The following AFAP1 variants were observed in gnomAD, a reference collection of about 807,000 sequenced individuals.
AFAP1 encodes the protein actin filament-associated protein 1.
AFAP1 carries 75 observed loss-of-function variants against 93.9 expected under a neutral mutation model. The observed-to-expected ratio is 0.80, with a 90% CI of 0.66 to 0.97. AFAP1 has a LOEUF of 0.97. Among genes scored for constraint, AFAP1 ranks in the 50% least tolerant of loss-of-function variants. AFAP1 has a pLI of 0.00. For missense variants in AFAP1, 1,201 were observed against 1,050.8 expected (o/e 1.14, Z -1.98); for synonymous variants, 517 against 430.7 (o/e 1.20, Z -2.48).
intron 1 of AFAP1, among the ~76,000 whole-genome samples, chr4:7,904,229 T>C (rs1393321575): frequency 6.6e-6 from 1 of 152,070 alleles, no homozygotes; most frequent in African/African-American, 2.4e-5. Flanking sequence ...ACTGAAGCTG[T>C]CCAGCAGAGT....
In AFAP1 at chr4:7,761,658, C is replaced by G. The variant is rs543637698; in HGVS notation, c.*2107G>C. 6.6e-6 allele frequency: 1 copy of G among 152,396 alleles called. No individual in the cohort carries two copies. Among genetic ancestry groups the G allele is most frequent in the African/African-American group, 2.4e-5 (1 of 41,596 alleles). 9.4% of individuals were successfully genotyped at this position (152,396 alleles called of 1,614,324 possible). A position where few individuals can be genotyped will look rare whatever the true frequency, so the allele number is the denominator to read the frequency against. ...AGTTCTCTTTGGCAAAGCAGGCTGC[C>G]AATCAGAGTGGCCCAAGAGTGTCAA... On this transcript the variant is annotated 3_prime_UTR_variant, in exon 18 of 18. Transcript: ENST00000420658.
chr4:7,774,473 G>T, intron 15 of AFAP1: 1 of 457,914 alleles, frequency 2.2e-6, no homozygotes, highest in Admixed American at 3.9e-5. Context: ...GCCGGAACAG[G>T]TCCCCCAGCA....
intron 1 of AFAP1, among the ~76,000 whole-genome samples, chr4:7,881,717 A>C (rs1214180144): frequency 1.3e-5 from 2 of 151,854 alleles, no homozygotes; most frequent in African/African-American, 4.8e-5. Flanking sequence ...CGGGTGGTGG[A>C]TTGCAGTGTG....
chr4:7,927,894 T>C (rs1431153240), intron 1 of AFAP1, among the ~76,000 whole-genome samples: 21 of 152,192 alleles, frequency 1.4e-4, no homozygotes, highest in Admixed American at 1.4e-3. Context: ...CAATGTAATT[T>C]TGGCTCAAAA....
chr4:7,854,194 T>A (rs1310544418), intron 4 of AFAP1, among the ~76,000 whole-genome samples: 1 of 152,224 alleles, frequency 6.6e-6, no homozygotes, highest in Non-Finnish European at 1.5e-5. Flanking sequence ...TTTAATTTGT[T>A]TTCTAATTAA....
intron 1 of AFAP1, among the ~76,000 whole-genome samples, chr4:7,890,159 A>C (rs771455665): frequency 5.9e-5 from 9 of 152,234 alleles, no homozygotes; most frequent in Non-Finnish European, 1.3e-4. Flanking sequence ...ATAAAGCTAC[A>C]ATTATCAATA....
intron 1 of AFAP1, among the ~76,000 whole-genome samples, chr4:7,879,868 T>G (rs970085789): frequency 1.3e-5 from 2 of 152,052 alleles, no homozygotes; most frequent in Non-Finnish European, 2.9e-5. Context: ...GGTCTCACTA[T>G]TTGCCAGACT....
At chr4:7,844,034 C>T (rs1156699476) in intron 4 of AFAP1, among the ~76,000 whole-genome samples, 6 of 152,170 alleles carry the variant, frequency 3.9e-5, no homozygotes, top group Non-Finnish European at 7.3e-5. Flanking sequence ...TCCATCCACT[C>T]GCCCTCCTGC....
intron 9 of AFAP1, among the ~76,000 whole-genome samples, chr4:7,806,503 T>C (rs996370826): frequency 5.9e-5 from 9 of 152,178 alleles, no homozygotes; most frequent in Non-Finnish European, 1.2e-4. Context: ...TCAGCAGCAC[T>C]GCACTTCCGG....
In AFAP1 at chr4:7,772,578, G is replaced by A. The variant is rs574324732; in HGVS notation, c.2253+242C>T. 1.5e-3 allele frequency: 801 copies of A among 524,606 alleles called. 3 individuals carry two copies. Among genetic ancestry groups the A allele is most frequent in the Non-Finnish European group, 1.7e-3 (495 of 294,938 alleles). 32.5% of individuals were successfully genotyped at this position (524,606 alleles called of 1,614,324 possible). A position where few individuals can be genotyped will look rare whatever the true frequency, so the allele number is the denominator to read the frequency against. On this transcript the variant is annotated intron_variant, in intron 16 of 17. Coordinates refer to ENST00000420658, the MANE Select transcript of AFAP1 (RefSeq NM_001134647.2). ...CTAAACAGATTGTGCAAAGGGGAAA[G>A]ACACAGACTCAGCATTTCCACAGCT...
At chr4:7,787,115 G>A (rs1037744665) in intron 11 of AFAP1, among the ~76,000 whole-genome samples, 1 of 152,258 alleles carries the variant, frequency 6.6e-6, no homozygotes, top group Non-Finnish European at 1.5e-5. Context: ...CATACATGAA[G>A]AGTAGGATGA....
At chr4:7,844,942 C>T (rs779344613) in intron 4 of AFAP1, among the ~76,000 whole-genome samples, 55 of 152,164 alleles carry the variant, frequency 3.6e-4, no homozygotes, top group South Asian at 2.1e-4. Context: ...ATGGCCAATG[C>T]GGTTGCAATA....
intron 3 of AFAP1, among the ~76,000 whole-genome samples, chr4:7,867,867 G>A (rs1017593762): frequency 6.6e-6 from 1 of 152,114 alleles, no homozygotes; most frequent in South Asian, 2.1e-4. Flanking sequence ...GCAGAGCGGG[G>A]GTGATCAAGA....
intron 6 of AFAP1, among the ~76,000 whole-genome samples, chr4:7,823,537 C>T (rs1261373448): frequency 6.6e-6 from 1 of 152,200 alleles, no homozygotes; most frequent in African/African-American, 2.4e-5. Context: ...GGCTAAGCTC[C>T]TGGCAGACTC....
intron 2 of AFAP1, among the ~76,000 whole-genome samples, chr4:7,871,418 C>A (rs772416410): frequency 6.6e-6 from 1 of 152,094 alleles, no homozygotes; most frequent in Non-Finnish European, 1.5e-5. Flanking sequence ...AGGACCGGAC[C>A]CAAGTAAAAA....
chr4:7,768,909 A>G lies in AFAP1; in HGVS notation c.2353T>C (p.Leu785=). 6.2e-7 allele frequency: 1 copy of G among 1,612,760 alleles called. No homozygotes were observed. Among genetic ancestry groups the G allele is most frequent in the Non-Finnish European group, 8.5e-7 (1 of 1,179,134 alleles). ...CCCGGGGCAGCCTGGCTCTTCTTCAAGACGGCCGCGCTGTTCACCGGCACG... is the reference window on the plus strand; with the variant it reads ...CCCGGGGCAGCCTGGCTCTTCTTCAGGACGGCCGCGCTGTTCACCGGCACG... The part of the protein sequence containing the change: ...GPVPVNSAAV[L]KKSQAAPGSS... Residue 785 remains leucine (L), a synonymous_variant, in exon 17 of 18, where the codon TTG becomes CTG. Coordinates refer to ENST00000420658, the MANE Select transcript of AFAP1 (RefSeq NM_001134647.2).
intron 1 of AFAP1, among the ~76,000 whole-genome samples, chr4:7,896,918 C>A (rs7697255): frequency 0.12 from 18,166 of 151,632 alleles, 1,355 homozygotes; most frequent in Non-Finnish European, 0.17. Context: ...CACGGTGTGA[C>A]ACGGTGTATC....
At chr4:7,925,960 T>A (rs1351453464) in intron 1 of AFAP1, among the ~76,000 whole-genome samples, 2 of 152,242 alleles carry the variant, frequency 1.3e-5, no homozygotes, top group African/African-American at 4.8e-5. Flanking sequence ...CAAGATTGCA[T>A]TAAATGGAAT....
chr4:7,919,300 C>G (rs1343762932), intron 1 of AFAP1, among the ~76,000 whole-genome samples: 1 of 152,200 alleles, frequency 6.6e-6, no homozygotes, highest in Non-Finnish European at 1.5e-5. Context: ...AGCCACAATC[C>G]TAGCAGCACG....
Sources: gnomAD v4.1 joint callset for allele counts (sites outside exome capture counted in the v4.1 genomes callset) on GRCh38, gnomAD v4.1.1 for gene constraint, MANE v1.5 for transcripts, NCBI Gene and HGNC (gene_info 2026-07-23, HGNC 2026-07-21) for gene names.